EEF1G: variants seen among roughly 807,000 people sequenced by gnomAD.
EEF1G encodes the protein elongation factor 1-gamma.
EEF1G carries 14 observed loss-of-function variants against 58.3 expected under a neutral mutation model. That is an observed-to-expected ratio of 0.24 (90% CI 0.16 to 0.38). The LOEUF is 0.38. Ranked by LOEUF, EEF1G falls within the 10% of genes least tolerant of loss-of-function variation. The probability of loss-of-function intolerance (pLI) is 1.00; values close to 1 mark genes in which losing one functional copy is unlikely to be tolerated. For missense variants in EEF1G, 322 were observed against 550.1 expected, an observed-to-expected ratio of 0.59 and a Z score of 4.15; for synonymous variants, 180 against 206.8, an observed-to-expected ratio of 0.87 and a Z score of 1.11.
At chr11:62,567,814 C>T (rs1941574743) in intron 5 of EEF1G, among the ~76,000 whole-genome samples, 1 of 151,556 alleles carries the variant, frequency 6.6e-6, no homozygotes, top group South Asian at 2.1e-4. Context: ...AAGTGATTCT[C>T]GTGCCTCAGC....
intron 1 of EEF1G, chr11:62,573,013 C>T: frequency 7.4e-6 from 2 of 269,430 alleles, no homozygotes; most frequent in Non-Finnish European, 1.4e-5. Flanking sequence ...CCTCTCAAAT[C>T]TATCTCCAAG....
chr11:62,569,632 T>A (rs1941602934), intron 5 of EEF1G, among the ~76,000 whole-genome samples: 1 of 152,234 alleles, frequency 6.6e-6, no homozygotes, highest in African/African-American at 2.4e-5. Flanking sequence ...GTTGTCATTT[T>A]TTAGTTTGCA....
intron 1 of EEF1G, chr11:62,573,031 G>A (rs1941655110): frequency 4.2e-6 from 1 of 239,198 alleles, no homozygotes; most frequent in South Asian, 1.1e-4. Context: ...AAGAAATCCA[G>A]AACTTCTAGC....
intron 7 of EEF1G, among the ~76,000 whole-genome samples, chr11:62,560,946 T>C (rs914270786): frequency 3.3e-5 from 5 of 152,202 alleles, no homozygotes; most frequent in African/African-American, 1.2e-4. Flanking sequence ...CATCTCTGCC[T>C]ATAAACAAGC....
intron 1 of EEF1G, chr11:62,573,501 C>G: frequency 2.1e-6 from 1 of 486,632 alleles, no homozygotes; most frequent in Non-Finnish European, 3.7e-6. Flanking sequence ...CTGTGTTACT[C>G]CACAAAACGG....
Position 62,572,751 on chromosome 11 carries a change from G to GA in EEF1G, c.13-10dup. The GA allele has an allele frequency of 6.2e-7, 1 of 1,600,876 alleles. No homozygotes were observed. Among genetic ancestry groups the GA allele is most frequent in the Non-Finnish European group, 8.5e-7 (1 of 1,170,276 alleles). ...GGATACGTGTACAGGGTCTATGGGA[G>GA]AAAGAGAGGGACAAAATTAATGAGT... On this transcript the variant is annotated splice_polypyrimidine_tract_variant and intron_variant, in intron 1 of 9. Coordinates refer to ENST00000329251, the MANE Select transcript of EEF1G (RefSeq NM_001404.5).
Position 62,572,621 on chromosome 11 carries a change from C to A in EEF1G, c.134G>T (p.Arg45Leu). 1 of 1,612,164 alleles carries A rather than the reference C, an allele frequency of 6.2e-7. No individual in the cohort carries two copies. The highest frequency in any genetic ancestry group is 8.5e-7 in the Non-Finnish European group (1 of 1,179,854). The change falls in exon 2 of 10, where the codon CGC becomes CTC. Residue 45 changes from arginine (R) to leucine (L), a missense_variant. Coordinates refer to ENST00000329251, the MANE Select transcript of EEF1G (RefSeq NM_001404.5). ...AAATTTGCGGAGAAATTCAGGGGTGCGGTTGGTTTGGCCAAAATGGAAGTG... is the reference window on the plus strand; with the variant it reads ...AAATTTGCGGAGAAATTCAGGGGTGAGGTTGGTTTGGCCAAAATGGAAGTG... Reference protein sequence around the residue: ...PPHFHFGQTNRTPEFLRKFPA... With the variant: ...PPHFHFGQTNLTPEFLRKFPA...
At chr11:62,560,515 G>A in intron 7 of EEF1G, 61 bp from the exon 8 acceptor site, 1 of 1,552,350 alleles carries the variant, frequency 6.4e-7, no homozygotes, top group Non-Finnish European at 8.8e-7. Flanking sequence ...GCTAAGAGAA[G>A]TGAAGGGTGC....
intron 2 of EEF1G, 26 bp from the exon 3 acceptor site, chr11:62,571,927 A>G: frequency 6.4e-7 from 1 of 1,557,974 alleles, no homozygotes; most frequent in Admixed American, 1.9e-5. Flanking sequence ...TGAAAAGATA[A>G]GGTAAAACAC....
chr11:62,573,289 C>G (rs1010719167), intron 1 of EEF1G: 1 of 158,434 alleles, frequency 6.3e-6, no homozygotes, highest in African/African-American at 2.4e-5. Flanking sequence ...CCTTTCTTTC[C>G]GTGTCGCGAA....
Sources: gnomAD v4.1 joint callset for allele counts (sites outside exome capture counted in the v4.1 genomes callset) on GRCh38, gnomAD v4.1.1 for gene constraint, MANE v1.5 for transcripts, NCBI Gene and HGNC (gene_info 2026-07-23, HGNC 2026-07-21) for gene names.